CCDC91: variants seen among roughly 807,000 people sequenced by gnomAD.
CCDC91 encodes coiled-coil domain containing 91, also known as coiled-coil domain-containing protein 91.
A neutral mutation model predicts 63.2 loss-of-function variants in CCDC91; 48 were observed. That is an observed-to-expected ratio of 0.76 (90% confidence interval 0.60 to 0.97). The LOEUF (loss-of-function observed/expected upper bound fraction) is 0.97. Ranked by LOEUF, CCDC91 falls within the 50% of genes least tolerant of loss-of-function variation. The pLI is 0.00. For synonymous variants in CCDC91, 167 were observed against 165.8 expected, an observed-to-expected ratio of 1.01 and a Z score of -0.06; for missense variants, 500 against 494.6, an observed-to-expected ratio of 1.01 and a Z score of -0.10.
At chr12:28,504,312 A>G (rs1406892684) in intron 12 of CCDC91, among the ~76,000 whole-genome samples, 1 of 151,856 alleles carries the variant, frequency 6.6e-6, no homozygotes, top group African/African-American at 2.4e-5. Flanking sequence ...ACTTTTATTG[A>G]CAAGAGTTTT....
At chr12:28,439,431 A>G (rs1280825745) in intron 8 of CCDC91, among the ~76,000 whole-genome samples, 1 of 152,182 alleles carries the variant, frequency 6.6e-6, no homozygotes, top group Non-Finnish European at 1.5e-5. Context: ...GTTTAAGACA[A>G]TCTTACCAGA....
At chr12:28,326,583 A>G (rs1202803854) in intron 6 of CCDC91, among the ~76,000 whole-genome samples, 1 of 126,000 alleles carries the variant, frequency 7.9e-6, no homozygotes, top group Non-Finnish European at 1.6e-5. Flanking sequence ...CCAGAGTGTG[A>G]TGTTTCCCTT....
chr12:28,371,044 CTT>C (rs1244647818), intron 7 of CCDC91, among the ~76,000 whole-genome samples: 2 of 152,132 alleles, frequency 1.3e-5, no homozygotes, highest in South Asian at 2.1e-4. Flanking sequence ...GATTCACTCT[CTT>C]ATCATATTTT....
chr12:28,494,249 A>G (rs898104532), intron 12 of CCDC91, among the ~76,000 whole-genome samples: 9 of 151,702 alleles, frequency 5.9e-5, no homozygotes, highest in African/African-American at 1.7e-4. Context: ...TAGATGTGCT[A>G]TAGTATGGAC....
chr12:28,376,956 A>G (rs1944985528), intron 7 of CCDC91, among the ~76,000 whole-genome samples: 1 of 151,840 alleles, frequency 6.6e-6, no homozygotes, highest in Non-Finnish European at 1.5e-5. Context: ...TCAAGAAATT[A>G]AGTTCAACAT....
At chr12:28,221,803 G>A (rs1336319139) in intron 1 of CCDC91, among the ~76,000 whole-genome samples, 2 of 152,130 alleles carry the variant, frequency 1.3e-5, no homozygotes, top group African/African-American at 2.4e-5. Flanking sequence ...TTTCTCCCAC[G>A]TTTATGTAGG....
chr12:28,273,165 G>T (rs1321911920), intron 3 of CCDC91, among the ~76,000 whole-genome samples: 2 of 152,070 alleles, frequency 1.3e-5, no homozygotes, highest in Non-Finnish European at 2.9e-5. Flanking sequence ...CAAAGGACAT[G>T]AACTCATCCT....
At chr12:28,218,242 C>T (rs538043806) in intron 1 of CCDC91, among the ~76,000 whole-genome samples, 84 of 152,218 alleles carry the variant, frequency 5.5e-4, no homozygotes, top group Middle Eastern at 6.8e-3. Context: ...CAAGGGAATG[C>T]GCATTCGACT....
At chr12:28,219,064 C>T (rs1233319368) in intron 1 of CCDC91, among the ~76,000 whole-genome samples, 1 of 152,152 alleles carries the variant, frequency 6.6e-6, no homozygotes, top group Non-Finnish European at 1.5e-5. Flanking sequence ...TACATTCTCA[C>T]TAGGTTACAT....
At chr12:28,475,541 G>C (rs1951037546) in intron 11 of CCDC91, among the ~76,000 whole-genome samples, 1 of 152,042 alleles carries the variant, frequency 6.6e-6, no homozygotes. Flanking sequence ...CTTTGGCCTT[G>C]ATTGAGAACA....
At chr12:28,389,597 C>CT (rs1220485038) in intron 7 of CCDC91, among the ~76,000 whole-genome samples, 1 of 151,994 alleles carries the variant, frequency 6.6e-6, no homozygotes, top group Admixed American at 6.6e-5. Context: ...ATTTTATTAA[C>CT]TTACCTGTCC....
At chr12:28,394,560 T>C (rs1592537895) in intron 8 of CCDC91, among the ~76,000 whole-genome samples, 1 of 152,184 alleles carries the variant, frequency 6.6e-6, no homozygotes, top group East Asian at 1.9e-4. Flanking sequence ...TGACTCCACA[T>C]TTGTTTTTCA....
At chr12:28,268,028 T>G (rs576141738) in intron 3 of CCDC91, among the ~76,000 whole-genome samples, 3 of 132,490 alleles carry the variant, frequency 2.3e-5, no homozygotes, top group African/African-American at 8.6e-5. Context: ...AATTTAATTA[T>G]TAATTATTAA....
chr12:28,417,347 A>G (rs1213243374), intron 8 of CCDC91, among the ~76,000 whole-genome samples: 2 of 152,082 alleles, frequency 1.3e-5, no homozygotes, highest in Non-Finnish European at 2.9e-5. Flanking sequence ...TACTACCATA[A>G]TCAGAATATA....
chr12:28,228,558 T>C (rs2135777710), intron 1 of CCDC91, among the ~76,000 whole-genome samples: 1 of 152,206 alleles, frequency 6.6e-6, no homozygotes, highest in Non-Finnish European at 1.5e-5. Flanking sequence ...GGGAAATTTA[T>C]AGTTGGAGAG....
At chr12:28,487,933 G>T (rs1951809899) in intron 12 of CCDC91, among the ~76,000 whole-genome samples, 1 of 151,008 alleles carries the variant, frequency 6.6e-6, no homozygotes, top group Non-Finnish European at 1.5e-5. Context: ...TTAGTCTTTT[G>T]CTTTTAAAAG....
chr12:28,304,693 A>G (rs772692250), intron 3 of CCDC91: 26 of 1,257,076 alleles, frequency 2.1e-5, no homozygotes, highest in Middle Eastern at 2.2e-4. Context: ...GAAGTTGCTG[A>G]TGCCAATGTG....
intron 3 of CCDC91, among the ~76,000 whole-genome samples, chr12:28,290,621 G>A (rs1194228275): frequency 7.2e-5 from 11 of 152,210 alleles, no homozygotes; most frequent in Non-Finnish European, 1.6e-4. Context: ...GTGTACTTAA[G>A]TGTGTTTTTG....
At chr12:28,547,525 A>C (rs1396760367) in intron 12 of CCDC91, among the ~76,000 whole-genome samples, 1 of 152,140 alleles carries the variant, frequency 6.6e-6, no homozygotes, top group Non-Finnish European at 1.5e-5. Flanking sequence ...AAGACAGACA[A>C]GATTTCTGCG....
Sources: allele counts gnomAD v4.1 joint callset (sites outside exome capture counted in the v4.1 genomes callset), GRCh38; gene constraint gnomAD v4.1.1; transcripts MANE v1.5; gene names NCBI Gene and HGNC (gene_info 2026-07-23, HGNC 2026-07-21).